CNTNAP4: variants seen among roughly 807,000 people sequenced by gnomAD.
CNTNAP4 encodes the protein contactin associated protein family member 4, also known as contactin-associated protein-like 4.
In CNTNAP4, 98 loss-of-function variants were observed where a neutral mutation model predicts 148.4. The observed-to-expected ratio is 0.66, with a 90% CI of 0.56 to 0.78. The LOEUF (loss-of-function observed/expected upper bound fraction) is 0.78, where lower values mean the gene tolerates loss of function less well. Among genes scored for constraint, CNTNAP4 ranks in the 30% least tolerant of loss-of-function variants. The pLI is 0.00. For synonymous variants in CNTNAP4, 730 were observed against 565.1 expected (o/e 1.29, Z -4.14); for missense variants, 1,935 against 1,565.6 (o/e 1.24, Z -3.98).
chr16:76,462,349 T>C (rs2081008632), intron 9 of CNTNAP4, among the ~76,000 whole-genome samples: 1 of 152,338 alleles, frequency 6.6e-6, no homozygotes, highest in South Asian at 2.1e-4. Context: ...GGCTGTCCTC[T>C]TCAGTTCTCA....
chr16:76,367,914 C>T (rs2014351392), intron 3 of CNTNAP4, among the ~76,000 whole-genome samples: 1 of 152,274 alleles, frequency 6.6e-6, no homozygotes, highest in East Asian at 1.9e-4. Context: ...CTAGGCTATT[C>T]ACTGATTTCC....
At chr16:76,430,985 G>C (rs976968938) in intron 4 of CNTNAP4, among the ~76,000 whole-genome samples, 5 of 152,070 alleles carry the variant, frequency 3.3e-5, no homozygotes, top group African/African-American at 1.2e-4. Flanking sequence ...ATATTCTAAA[G>C]TCATAAATAT....
chr16:76,496,757 T>C (rs1434013883), intron 14 of CNTNAP4, among the ~76,000 whole-genome samples: 1 of 152,180 alleles, frequency 6.6e-6, no homozygotes, highest in Non-Finnish European at 1.5e-5. Flanking sequence ...GTATCCATGA[T>C]ATCCAGCATG....
chr16:76,445,683 A>G (rs1408729433), intron 4 of CNTNAP4, among the ~76,000 whole-genome samples: 4 of 152,174 alleles, frequency 2.6e-5, no homozygotes, highest in Non-Finnish European at 4.4e-5. Context: ...TAATAACAGC[A>G]GCGAAAAAGA....
chr16:76,547,694 G>C (rs1333064825), intron 21 of CNTNAP4, among the ~76,000 whole-genome samples: 1 of 152,200 alleles, frequency 6.6e-6, no homozygotes, highest in Non-Finnish European at 1.5e-5. Flanking sequence ...GTTCCGAGTA[G>C]TAGCTTTGGT....
intron 3 of CNTNAP4, among the ~76,000 whole-genome samples, chr16:76,373,011 A>G (rs527611670): frequency 6.6e-6 from 1 of 152,316 alleles, no homozygotes; most frequent in South Asian, 2.1e-4. Context: ...TCGAATCTGA[A>G]ATACAATAAT....
chr16:76,383,775 G>T (rs1236276110), intron 3 of CNTNAP4, among the ~76,000 whole-genome samples: 1 of 152,120 alleles, frequency 6.6e-6, no homozygotes, highest in Non-Finnish European at 1.5e-5. Flanking sequence ...TGATGTCTGG[G>T]ACTGAATTTA....
chr16:76,374,381 A>G (rs1436648972), intron 3 of CNTNAP4, among the ~76,000 whole-genome samples: 1 of 152,198 alleles, frequency 6.6e-6, no homozygotes, highest in Non-Finnish European at 1.5e-5. Flanking sequence ...TACTAATTCC[A>G]TCTTTGTACT....
intron 4 of CNTNAP4, among the ~76,000 whole-genome samples, 162 bp from the exon 5 acceptor site, chr16:76,447,850 G>A (rs1451933074): frequency 6.6e-6 from 1 of 152,166 alleles, no homozygotes; most frequent in East Asian, 1.9e-4. Flanking sequence ...TTTAACTTAA[G>A]ATGGGTTTAT....
chr16:76,294,837 T>C (rs1959195751), intron 1 of CNTNAP4, among the ~76,000 whole-genome samples: 1 of 152,246 alleles, frequency 6.6e-6, no homozygotes. Flanking sequence ...AATGTTATTA[T>C]GGTCTCAATC....
At chr16:76,535,857 A>T (rs6564348) in intron 18 of CNTNAP4, 73 bp downstream of exon 18, 1,490,814 of 1,492,878 alleles carry the variant, frequency 1, 744,393 homozygotes, top group Middle Eastern at 1. Context: ...GTTCTTTTCT[A>T]TGCAGCTATT....
intron 3 of CNTNAP4, among the ~76,000 whole-genome samples, chr16:76,415,641 T>TTTAA (rs34060059): frequency 0.35 from 52,354 of 150,290 alleles, 10,695 homozygotes; most frequent in Non-Finnish European, 0.44. Context: ...TAAACACCTG[T>TTTAA]TTAACCCCAC....
rs756575759 is a variant in CNTNAP4, at chr16:76,448,782, C to T, written c.758C>T (p.Pro253Leu). Residue 253 changes from proline to leucine, a missense_variant, in exon 6 of 24, where the codon CCT becomes CTT. Transcript: ENST00000611870. ...CTCTTCTAAGGTGAAGCTAAACTGC[C>T]TTCCACTTCCACCCTGGTCAATCTC... ...LLINSGEAKL[P>L]STSTLVNLTL... 8.7e-6 allele frequency: 14 copies of T among 1,607,520 alleles called. No homozygotes were observed. Among genetic ancestry groups the T allele is most frequent in the East Asian group, 6.7e-5 (3 of 44,640 alleles).
chr16:76,280,972 A>G lies in CNTNAP4; in HGVS notation c.85+3225A>G. ...AGGGAGGCTCTCTAGTTACTGGTAT[A>G]CTGAGCCGTACTCTTGAGAATAATT... On this transcript the variant is annotated intron_variant, in intron 1 of 23. Transcript: ENST00000611870. Among the ~76,000 whole-genome samples the G allele has an allele frequency of 1.3e-5, 2 of 152,136 alleles. 1 individual carries two copies. Among genetic ancestry groups the G allele is most frequent in the East Asian group, 3.9e-4 (2 of 5,192 alleles).
chr16:76,453,275 A>G (rs2080589365), intron 8 of CNTNAP4, among the ~76,000 whole-genome samples: 1 of 152,212 alleles, frequency 6.6e-6, no homozygotes, highest in South Asian at 2.1e-4. Context: ...AGTTGAATAC[A>G]TTTTGAGGGG....
rs17698803 is a variant in CNTNAP4 at position 76,336,020 on chromosome 16, C to A, written c.197-19298C>A. Among the ~76,000 whole-genome samples the A allele has an allele frequency of 3.4e-3, 524 of 152,122 alleles. 3 individuals are homozygous for A. The highest frequency in any genetic ancestry group is 0.014 in the Middle Eastern group (4 of 294). ...ACCACAACTGCTCCTAGGACTAACTCCAGGGTTGATGGAAAGGTAGACAAA... is the reference window on the plus strand; with the variant it reads ...ACCACAACTGCTCCTAGGACTAACTACAGGGTTGATGGAAAGGTAGACAAA... On this transcript the variant is annotated intron_variant, in intron 2 of 23. Coordinates refer to ENST00000611870, the MANE Select transcript of CNTNAP4 (RefSeq NM_033401.5).
At chr16:76,357,590 C>T (rs947070715) in intron 3 of CNTNAP4, among the ~76,000 whole-genome samples, 2 of 152,286 alleles carry the variant, frequency 1.3e-5, no homozygotes, top group African/African-American at 4.8e-5. Context: ...TGAGTGTGAG[C>T]TCTGTAAATA....
chr16:76,380,085 C>G (rs1244096060), intron 3 of CNTNAP4, among the ~76,000 whole-genome samples: 5 of 152,086 alleles, frequency 3.3e-5, no homozygotes, highest in Non-Finnish European at 7.4e-5. Flanking sequence ...AGATAAAACG[C>G]AAGTCTGTTG....
At chr16:76,354,253 T>C (rs59708157) in intron 2 of CNTNAP4, among the ~76,000 whole-genome samples, 19,839 of 152,218 alleles carry the variant, frequency 0.13, 2,008 homozygotes, top group East Asian at 0.47. Context: ...AAATAATTCT[T>C]AAAATAATTC....
Sources: allele counts gnomAD v4.1 joint callset (sites outside exome capture counted in the v4.1 genomes callset), GRCh38; gene constraint gnomAD v4.1.1; transcripts MANE v1.5; gene names NCBI Gene and HGNC (gene_info 2026-07-23, HGNC 2026-07-21).